The following NIF3L1 variants were observed in gnomAD, a reference collection of about 807,000 sequenced individuals.
NIF3L1 encodes the protein NGG1 interacting factor 3 like 1.
In NIF3L1, 26 loss-of-function variants were observed where a neutral mutation model predicts 35.0. The observed-to-expected ratio is 0.74, with a 90% CI of 0.54 to 1.03. The LOEUF (loss-of-function observed/expected upper bound fraction) is 1.03. NIF3L1 is among the 50% of genes least tolerant of loss of function. The pLI, the probability that NIF3L1 is intolerant of heterozygous loss-of-function variation, is 0.00. For synonymous variants in NIF3L1, 157 were observed against 178.9 expected (o/e 0.88, Z 0.98); for missense variants, 449 against 466.3 (o/e 0.96, Z 0.34).
chr2:200,894,947 C>T (rs2040276151), intron 3 of NIF3L1, among the ~76,000 whole-genome samples: 1 of 151,964 alleles, frequency 6.6e-6, no homozygotes, highest in Non-Finnish European at 1.5e-5. Context: ...GGTCCTTGGA[C>T]CAGCAACATC....
rs766695893 is a variant in NIF3L1, at chr2:200,899,432, G to A, written c.913G>A (p.Val305Ile). ...VALCAGSGSS[V>I]LQGVEADLYL... ...CCTGTGTGCTGGTTCTGGGAGCAGC[G>A]TTCTGCAGGGTGTTGAGGCTGACCT... Residue 305 changes from valine to isoleucine, a missense_variant, in exon 6 of 7, where the codon GTT becomes ATT. Transcript: ENST00000409020. 8 of 1,613,978 alleles carry A rather than the reference G, an allele frequency of 5.0e-6. No homozygotes were observed. Among genetic ancestry groups the A allele is most frequent in the South Asian group, 1.1e-5 (1 of 91,082 alleles).
rs1006376264 is a variant in NIF3L1, at chr2:200,897,259, T to C, written c.865+45T>C. On this transcript the variant is annotated intron_variant, in intron 5 of 6. Transcript: ENST00000409020. Reference sequence around the variant, plus strand: ...CTATCCAGTATGCCTACTGTTAACATTGGACAAAGATCGAAACTCTTGGTT... The same window carrying C: ...CTATCCAGTATGCCTACTGTTAACACTGGACAAAGATCGAAACTCTTGGTT... 16 of 1,588,122 alleles carry C rather than the reference T, an allele frequency of 1.0e-5. No individual in the cohort carries two copies. The East Asian group carries it at 1.1e-4, about 11-fold the overall frequency.
intron 1 of NIF3L1, 163 bp from the exon 2 acceptor site, chr2:200,891,755 G>C (rs1248756375): frequency 1.7e-6 from 1 of 593,544 alleles, no homozygotes; most frequent in Non-Finnish European, 3.0e-6. Flanking sequence ...CAAGATTGGA[G>C]AGGTTAAATG....
chr2:200,901,362 G>T (rs2040407793), intron 6 of NIF3L1, among the ~76,000 whole-genome samples: 1 of 151,820 alleles, frequency 6.6e-6, no homozygotes. Flanking sequence ...CTCAATTTGG[G>T]GTATCTGTTT....
chr2:200,894,340 A>G (rs2040258885), intron 3 of NIF3L1, among the ~76,000 whole-genome samples: 1 of 152,056 alleles, frequency 6.6e-6, no homozygotes. Context: ...CCATTTGTAG[A>G]TGTTCTGTTC....
intron 4 of NIF3L1, among the ~76,000 whole-genome samples, chr2:200,895,938 A>C (rs1012523032): frequency 8.6e-5 from 13 of 150,524 alleles, no homozygotes; most frequent in Admixed American, 7.3e-4. Context: ...AGTATTTCAA[A>C]TTCAGTATAT....
intron 1 of NIF3L1, among the ~76,000 whole-genome samples, chr2:200,890,785 T>C (rs969660437): frequency 3.9e-5 from 6 of 152,098 alleles, no homozygotes; most frequent in African/African-American, 1.2e-4. Flanking sequence ...AAAAGTACCC[T>C]ATACCTTATC....
chr2:200,891,837 T>C, intron 1 of NIF3L1, 81 bp from the exon 2 acceptor site: 1 of 802,882 alleles, frequency 1.2e-6, no homozygotes, highest in Non-Finnish European at 2.0e-6. Flanking sequence ...TGACGACAGC[T>C]CTTTTGCCCA....
chr2:200,898,720 T>C (rs909124507), intron 5 of NIF3L1, among the ~76,000 whole-genome samples: 4 of 152,226 alleles, frequency 2.6e-5, no homozygotes, highest in African/African-American at 9.6e-5. Flanking sequence ...AAGTGCTAAA[T>C]ACTTGGATTT....
intron 1 of NIF3L1, among the ~76,000 whole-genome samples, chr2:200,890,954 CTTTT>C (rs58191528): frequency 3.6e-5 from 5 of 137,024 alleles, no homozygotes; most frequent in African/African-American, 1.4e-4. Context: ...TTTAAACATT[CTTTT>C]TTTTTTTTTT....
intron 4 of NIF3L1, among the ~76,000 whole-genome samples, chr2:200,895,894 A>G (rs182411229): frequency 3.9e-5 from 6 of 152,066 alleles, no homozygotes; most frequent in African/African-American, 1.4e-4. Flanking sequence ...ATTTTCATCT[A>G]CTTTCTGGAT....
rs772553443 is a variant in NIF3L1, at chr2:200,895,255, C to A, written c.600-9C>A. The A allele has an allele frequency of 1.9e-6, 3 of 1,609,892 alleles. No individual in the cohort carries two copies. The highest frequency in any genetic ancestry group is 2.5e-6 in the Non-Finnish European group (3 of 1,177,388). On this transcript the variant is annotated splice_polypyrimidine_tract_variant and intron_variant, in intron 3 of 6. Transcript: ENST00000409020. The stretch of plus-strand genomic sequence containing the variant: ...ATTTGTCCTAAATGGAGTGATTTTT[C>A]CCCCCTAGGACTGGTAATGAGGAAC...
intron 1 of NIF3L1, among the ~76,000 whole-genome samples, 169 bp downstream of exon 1, chr2:200,889,821 T>G (rs1012920714): frequency 1.3e-5 from 2 of 152,192 alleles, no homozygotes; most frequent in Admixed American, 1.3e-4. Context: ...ACAGGATAAG[T>G]CATTTACCTG....
chr2:200,895,457 G>T (rs1198068971), intron 4 of NIF3L1, 67 bp downstream of exon 4: 5 of 1,520,746 alleles, frequency 3.3e-6, no homozygotes, highest in Non-Finnish European at 4.6e-6. Context: ...TATAATTGAG[G>T]TATAATTGAT....
rs2040331512 is a variant in NIF3L1, at chr2:200,897,113, C to T, written c.764C>T (p.Thr255Ile). ...CATACTGGAATGGGACGGTTATGCA[C>T]ACTGGATGAATCTGTCTCCCTGGCA... Reference protein sequence around the residue: ...LLHTGMGRLCTLDESVSLATM... With the variant: ...LLHTGMGRLCILDESVSLATM... The change falls in exon 5 of 7, where the codon ACA (threonine) becomes ATA (isoleucine). Residue 255 changes from threonine to isoleucine, a missense_variant. Coordinates refer to ENST00000409020, the MANE Select transcript of NIF3L1 (RefSeq NM_001369441.2). The T allele has an allele frequency of 1.3e-5, 21 of 1,614,006 alleles. No individual in the cohort carries two copies. Among genetic ancestry groups the T allele is most frequent in the Non-Finnish European group, 1.8e-5 (21 of 1,179,902 alleles).
chr2:200,892,255 C>T lies in NIF3L1; in HGVS notation c.312C>T (p.Thr104=). Residue 104 remains threonine, a synonymous_variant, in exon 2 of 7, where the codon ACC becomes ACT. Transcript: ENST00000409020. ...TCTTCCGACCCATGAAGCGCATAAC[C>T]TGGAACACATGGAAGGAGCGCCTGG... ...PPIFRPMKRI[T]WNTWKERLVI... is the part of the protein sequence containing the mutation. 1.2e-6 allele frequency: 2 copies of T among 1,614,182 alleles called. No homozygotes were observed. The highest frequency in any genetic ancestry group is 8.5e-7 in the Non-Finnish European group (1 of 1,180,030).
chr2:200,894,043 G>C (rs879495489), intron 3 of NIF3L1, among the ~76,000 whole-genome samples: 5 of 151,782 alleles, frequency 3.3e-5, no homozygotes, highest in Non-Finnish European at 5.9e-5. Flanking sequence ...GCGTAGTGGC[G>C]CATGCCTGTA....
intron 1 of NIF3L1, among the ~76,000 whole-genome samples, chr2:200,891,319 G>C (rs1043248273): frequency 2.0e-5 from 3 of 152,154 alleles, no homozygotes; most frequent in Non-Finnish European, 4.4e-5. Flanking sequence ...GTTGCAATCA[G>C]GGGAGGCGGG....
Position 200,903,646 on chromosome 2 carries a change from G to C in NIF3L1, c.1102G>C (p.Glu368Gln), listed in dbSNP as rs777843189. ...LENKINIILS[E>Q]TDRDPLQVV is the part of the protein sequence containing the mutation. ...GAATAAGATAAATATTATCCTATCA[G>C]AGACTGACAGGGACCCTCTTCAGGT... The change falls in exon 7 of 7, where the codon GAG becomes CAG. Residue 368 changes from glutamate to glutamine, a missense_variant. Glu to Gln is a conservative substitution (Grantham distance 29, BLOSUM62 2). Transcript: ENST00000409020. 6.0e-5 allele frequency: 97 copies of C among 1,613,798 alleles called. 1 individual carries two copies. The South Asian group carries it at 8.8e-4, about 15-fold the overall frequency.
Sources: allele counts gnomAD v4.1 joint callset (sites outside exome capture counted in the v4.1 genomes callset), GRCh38; gene constraint gnomAD v4.1.1; transcripts MANE v1.5; gene names NCBI Gene and HGNC (gene_info 2026-07-23, HGNC 2026-07-21).